GPC5: variants seen among roughly 807,000 people sequenced by gnomAD.
The protein encoded by GPC5 is glypican-5.
In GPC5, 47 loss-of-function variants were observed where a neutral mutation model predicts 53.9. That is an observed-to-expected ratio of 0.87 (90% CI 0.69 to 1.11). The LOEUF is 1.11. Ranked by LOEUF, GPC5 falls within the 50% of genes most tolerant of loss-of-function variation. The pLI, the probability that GPC5 is intolerant of heterozygous loss-of-function variation, is 0.00. For synonymous variants in GPC5, 286 were observed against 263.3 expected, an observed-to-expected ratio of 1.09 and a Z score of -0.84; for missense variants, 748 against 713.1, an observed-to-expected ratio of 1.05 and a Z score of -0.56.
At chr13:91,670,724 G>A (rs183319843) in intron 2 of GPC5, among the ~76,000 whole-genome samples, 2 of 152,234 alleles carry the variant, frequency 1.3e-5, no homozygotes, top group Admixed American at 1.3e-4. Context: ...GGCATAAACT[G>A]TACAGTTTAA....
chr13:92,137,064 T>C (rs192544539), intron 6 of GPC5, among the ~76,000 whole-genome samples: 5 of 151,938 alleles, frequency 3.3e-5, no homozygotes, highest in Admixed American at 3.3e-4. Flanking sequence ...AAGTTGTTTT[T>C]TTTTTTCATC....
At chr13:92,332,309 T>G (rs1310819106) in intron 7 of GPC5, among the ~76,000 whole-genome samples, 3 of 152,190 alleles carry the variant, frequency 2.0e-5, no homozygotes, top group Non-Finnish European at 4.4e-5. Context: ...GGATATCGGT[T>G]TGATAGCTTA....
chr13:92,226,891 T>C (rs9556161), intron 7 of GPC5, among the ~76,000 whole-genome samples: 52,727 of 151,870 alleles, frequency 0.35, 9,503 homozygotes, highest in African/African-American at 0.44. Context: ...TGAGCCACCG[T>C]ACCTGGCTGC....
chr13:92,110,283 T>C (rs976541511), intron 6 of GPC5, among the ~76,000 whole-genome samples: 1 of 152,178 alleles, frequency 6.6e-6, no homozygotes, highest in African/African-American at 2.4e-5. Context: ...CTCATTTTCA[T>C]CTTAAGCAGT....
chr13:91,640,101 T>C (rs571091757), intron 2 of GPC5, among the ~76,000 whole-genome samples: 2 of 152,254 alleles, frequency 1.3e-5, no homozygotes, highest in African/African-American at 4.8e-5. Context: ...GTCAAATGAA[T>C]GGTTAATTTT....
chr13:92,746,930 T>C (rs920796556), intron 7 of GPC5, among the ~76,000 whole-genome samples: 1 of 152,116 alleles, frequency 6.6e-6, no homozygotes. Flanking sequence ...ATGTAACCTA[T>C]TGCACACTTA....
chr13:91,403,859 A>G (rs1234705510), intron 1 of GPC5, among the ~76,000 whole-genome samples: 1 of 152,214 alleles, frequency 6.6e-6, no homozygotes, highest in Admixed American at 6.5e-5. Flanking sequence ...CTGATCACAC[A>G]TATTCCCTCA....
chr13:91,942,758 A>G (rs78317140), intron 6 of GPC5, among the ~76,000 whole-genome samples: 3,701 of 152,200 alleles, frequency 0.024, 146 homozygotes, highest in African/African-American at 0.084. Context: ...ATTTAAAAGA[A>G]GACAATAAGT....
intron 1 of GPC5, among the ~76,000 whole-genome samples, chr13:91,441,734 A>G (rs1478597421): frequency 1.3e-5 from 2 of 152,218 alleles, no homozygotes; most frequent in Admixed American, 6.5e-5. Flanking sequence ...CCCTTCTGCC[A>G]TTATAACATT....
At chr13:91,848,994 A>G (rs142070515) in intron 5 of GPC5, among the ~76,000 whole-genome samples, 1,931 of 152,274 alleles carry the variant, frequency 0.013, 18 homozygotes, top group Middle Eastern at 0.027. Context: ...AATGTGAACT[A>G]TTTTTTAGAG....
intron 6 of GPC5, among the ~76,000 whole-genome samples, chr13:92,046,822 C>G (rs1005730529): frequency 2.7e-4 from 41 of 152,316 alleles, no homozygotes; most frequent in African/African-American, 9.4e-4. Flanking sequence ...CAGCAAATGA[C>G]AGCATGCAGA....
intron 7 of GPC5, among the ~76,000 whole-genome samples, chr13:92,219,971 A>C (rs938610778): frequency 1.1e-4 from 16 of 152,088 alleles, no homozygotes; most frequent in African/African-American, 3.6e-4. Flanking sequence ...TTGTTGCTTC[A>C]TTCTTTCCTT....
intron 7 of GPC5, among the ~76,000 whole-genome samples, chr13:92,197,564 CT>C (rs926044667): frequency 6.6e-6 from 1 of 152,088 alleles, no homozygotes; most frequent in Non-Finnish European, 1.5e-5. Context: ...GTGGTACAAC[CT>C]CAGCTCATGG....
chr13:92,772,843 T>C (rs1460730935), intron 7 of GPC5, among the ~76,000 whole-genome samples: 1 of 152,232 alleles, frequency 6.6e-6, no homozygotes, highest in Non-Finnish European at 1.5e-5. Context: ...GGTTGACATA[T>C]ACTCTGCCAA....
chr13:91,907,502 T>TC (rs1491219096), intron 5 of GPC5, among the ~76,000 whole-genome samples: 138 of 81,110 alleles, frequency 1.7e-3, no homozygotes, highest in African/African-American at 3.8e-3. Context: ...TCTCTCTCTC[T>TC]TTATATATAT....
At chr13:92,068,251 T>C (rs1340023753) in intron 6 of GPC5, among the ~76,000 whole-genome samples, 1 of 151,908 alleles carries the variant, frequency 6.6e-6, no homozygotes, top group Non-Finnish European at 1.5e-5. Context: ...AGAAAAACTT[T>C]CCAGTTAATT....
intron 6 of GPC5, among the ~76,000 whole-genome samples, chr13:91,917,048 C>G (rs1386739291): frequency 6.6e-6 from 1 of 152,154 alleles, no homozygotes; most frequent in East Asian, 1.9e-4. Flanking sequence ...TTAACTAATT[C>G]TAGCATTAAC....
chr13:92,684,655 C>A (rs1309828698), intron 7 of GPC5, among the ~76,000 whole-genome samples: 2 of 152,052 alleles, frequency 1.3e-5, no homozygotes, highest in African/African-American at 4.8e-5. Flanking sequence ...TTGAAATGTA[C>A]CTTGGTTGTT....
intron 7 of GPC5, among the ~76,000 whole-genome samples, chr13:92,594,655 A>T (rs1008864791): frequency 2.0e-5 from 3 of 152,198 alleles, no homozygotes; most frequent in African/African-American, 4.8e-5. Context: ...ATGGTGAAAC[A>T]TGTCTCAGGC....
Sources: allele counts gnomAD v4.1 joint callset (sites outside exome capture counted in the v4.1 genomes callset), GRCh38; gene constraint gnomAD v4.1.1; transcripts MANE v1.5; gene names NCBI Gene and HGNC (gene_info 2026-07-23, HGNC 2026-07-21).